The following MAP3K1 variants were observed in gnomAD, a reference collection of about 807,000 sequenced individuals.
MAP3K1 encodes the protein mitogen-activated protein kinase kinase kinase 1.
A neutral mutation model predicts 144.2 loss-of-function variants in MAP3K1; 36 were observed. That is an observed-to-expected ratio of 0.25 (90% CI 0.19 to 0.33). The LOEUF is 0.33. MAP3K1 is among the 10% of genes least tolerant of loss of function. MAP3K1 has a pLI of 1.00. For synonymous variants in MAP3K1, 718 were observed against 688.7 expected (o/e 1.04, Z -0.67); for missense variants, 1,650 against 1,881.9 (o/e 0.88, Z 2.28).
chr5:56,820,627 AAGG>A (rs1296440934), intron 1 of MAP3K1: 1 of 985,108 alleles, frequency 1.0e-6, no homozygotes, highest in African/African-American at 1.7e-5. Flanking sequence ...TCATAAGTGA[AAGG>A]AGATAAGCTG....
At chr5:56,850,480 C>T (rs530302345) in intron 1 of MAP3K1, among the ~76,000 whole-genome samples, 1 of 152,192 alleles carries the variant, frequency 6.6e-6, no homozygotes, top group Non-Finnish European at 1.5e-5. Context: ...TAATATGCTT[C>T]TTTAATTATT....
chr5:56,874,986 C>G lies in MAP3K1; in HGVS notation c.1687-46C>G, dbSNP rs16886448. On this transcript the variant is annotated intron_variant, in intron 9 of 19. Coordinates refer to ENST00000399503, the MANE Select transcript of MAP3K1 (RefSeq NM_005921.2). ...TGCTAAACTCAAAATGCTCTGGGTC[C>G]ATAAGCTTTTCTTTACATTGAATTC... 0.069 allele frequency: 110,654 copies of G among 1,599,424 alleles called. 4,073 individuals carry two copies. Among genetic ancestry groups the G allele is most frequent in the East Asian group, 0.14 (6,111 of 44,816 alleles).
At chr5:56,871,791 A>G in intron 6 of MAP3K1, 119 bp from the exon 7 acceptor site, 1 of 842,806 alleles carries the variant, frequency 1.2e-6, no homozygotes, top group Non-Finnish European at 1.9e-6. Context: ...TAGTTATATA[A>G]GATGCTCTTA....
chr5:56,865,009 T>C, intron 4 of MAP3K1, 75 bp downstream of exon 4: 1 of 1,330,782 alleles, frequency 7.5e-7, no homozygotes, highest in South Asian at 1.2e-5. Flanking sequence ...ACTATAATGT[T>C]CTTAAATTTA....
intron 1 of MAP3K1, among the ~76,000 whole-genome samples, chr5:56,839,447 G>T (rs1746745912): frequency 6.6e-6 from 1 of 152,182 alleles, no homozygotes; most frequent in Non-Finnish European, 1.5e-5. Context: ...TCCATGAGGG[G>T]TGATAGATTA....
At chr5:56,841,065 A>G (rs1746798012) in intron 1 of MAP3K1, among the ~76,000 whole-genome samples, 1 of 151,942 alleles carries the variant, frequency 6.6e-6, no homozygotes, top group Admixed American at 6.6e-5. Flanking sequence ...TTTAGTAGAG[A>G]TGGGGTTTTG....
chr5:56,848,189 T>C (rs62358076), intron 1 of MAP3K1, among the ~76,000 whole-genome samples: 15,081 of 152,256 alleles, frequency 0.099, 1,209 homozygotes, highest in East Asian at 0.34. Context: ...TTCCCTCTTA[T>C]TATAGTTAGT....
intron 3 of MAP3K1, among the ~76,000 whole-genome samples, chr5:56,860,650 C>A (rs145573856): frequency 6.6e-6 from 1 of 152,014 alleles, no homozygotes; most frequent in Non-Finnish European, 1.5e-5. Flanking sequence ...GTCAGGAGTT[C>A]GAGACCAGCT....
intron 10 of MAP3K1, among the ~76,000 whole-genome samples, chr5:56,878,043 A>C (rs527911226): frequency 7.2e-5 from 11 of 152,320 alleles, no homozygotes; most frequent in Non-Finnish European, 1.2e-4. Context: ...CAGTGGGTAC[A>C]TATGCCCATG....
rs1311791387 is a variant in MAP3K1 at position 56,881,566 on chromosome 5, T to C, written c.2370-4T>C. ...ATATGGTAATGAATGTTTTTTTCTT[T>C]CAGGTATAAGAAGCTGCTGTCCCTC... On this transcript the variant is annotated splice_region_variant and splice_polypyrimidine_tract_variant and intron_variant, in intron 13 of 19. Coordinates refer to ENST00000399503, the MANE Select transcript of MAP3K1 (RefSeq NM_005921.2). The C allele has an allele frequency of 1.9e-6, 3 of 1,604,532 alleles. No homozygotes were observed. Among genetic ancestry groups the C allele is most frequent in the Non-Finnish European group, 1.7e-6 (2 of 1,171,964 alleles).
In MAP3K1 at chr5:56,888,302, C is replaced by G; in HGVS notation, c.4334C>G (p.Ala1445Gly). Reference protein sequence around the residue: ...VGCAIIEMACAKPPWNAEKHS... With the variant: ...VGCAIIEMACGKPPWNAEKHS... ...TGTGCTATTATAGAAATGGCTTGTG[C>G]AAAACCACCATGGAATGCAGAAAAA... Residue 1445 changes from alanine (A) to glycine (G), a missense_variant, in exon 19 of 20, where the codon GCA (alanine) becomes GGA (glycine). Ala to Gly is a moderately conservative substitution (Grantham distance 60, BLOSUM62 0). Transcript: ENST00000399503. 1 of 1,613,886 alleles carries G rather than the reference C, an allele frequency of 6.2e-7. No individual in the cohort carries two copies. Among genetic ancestry groups the G allele is most frequent in the Non-Finnish European group, 8.5e-7 (1 of 1,179,868 alleles).
intron 1 of MAP3K1, among the ~76,000 whole-genome samples, chr5:56,830,161 T>C (rs956837531): frequency 1.3e-5 from 2 of 152,192 alleles, no homozygotes; most frequent in South Asian, 4.1e-4. Flanking sequence ...AATTATATTG[T>C]GTAATATAAT....
At position 56,818,506 on chromosome 5, in the gene MAP3K1, T is replaced by A. The variant is rs561650603; in HGVS notation, c.482+2451T>A. On this transcript the variant is annotated intron_variant, in intron 1 of 19. Coordinates refer to ENST00000399503, the MANE Select transcript of MAP3K1 (RefSeq NM_005921.2). ...GTAGAAAATATACTTTGAATTAGAA[T>A]TTATATAAATAAATAATACTCGTAT... is the stretch of plus-strand genomic sequence containing the variant. 3.0e-4 allele frequency among the ~76,000 whole-genome samples: 46 copies of A among 152,224 alleles called. No individual in the cohort carries two copies. In the Middle Eastern group the frequency reaches 0.01, roughly 34 times the overall value.
At chr5:56,834,989 A>T in intron 1 of MAP3K1, among the ~76,000 whole-genome samples, 1 of 152,200 alleles carries the variant, frequency 6.6e-6, no homozygotes, top group East Asian at 1.9e-4. Context: ...ATTAGTGGTA[A>T]TTCCACCTGC....
intron 1 of MAP3K1, among the ~76,000 whole-genome samples, chr5:56,836,321 C>T (rs905477598): frequency 1.1e-4 from 5 of 43,606 alleles, no homozygotes; most frequent in African/African-American, 2.7e-4. Flanking sequence ...GCATGTGTAC[C>T]TGACTACAGC....
At chr5:56,832,266 A>G (rs751715977) in intron 1 of MAP3K1, among the ~76,000 whole-genome samples, 13 of 152,148 alleles carry the variant, frequency 8.5e-5, no homozygotes, top group Non-Finnish European at 1.5e-4. Flanking sequence ...CGGAAGGACA[A>G]CCTCCTGACT....
At chr5:56,876,149 A>G (rs1315198386) in intron 10 of MAP3K1, among the ~76,000 whole-genome samples, 1 of 122,570 alleles carries the variant, frequency 8.2e-6, no homozygotes, top group Non-Finnish European at 1.6e-5. Flanking sequence ...TACTATTAAC[A>G]TTTGTTAGAT....
chr5:56,856,898 C>T (rs1157474664), intron 2 of MAP3K1, 148 bp downstream of exon 2: 2 of 884,068 alleles, frequency 2.3e-6, no homozygotes, highest in Non-Finnish European at 3.5e-6. Context: ...TTGGAAGAAA[C>T]CATAATTAAA....
intron 1 of MAP3K1, among the ~76,000 whole-genome samples, chr5:56,825,626 G>A (rs1746288739): frequency 6.6e-6 from 1 of 152,120 alleles, no homozygotes; most frequent in African/African-American, 2.4e-5. Context: ...TGCCCATCAG[G>A]GTAAACACTG....
Sources: allele counts gnomAD v4.1 joint callset (sites outside exome capture counted in the v4.1 genomes callset), GRCh38; gene constraint gnomAD v4.1.1; transcripts MANE v1.5; gene names NCBI Gene and HGNC (gene_info 2026-07-23, HGNC 2026-07-21).